The following MBNL1 variants were observed in gnomAD, a reference collection of about 807,000 sequenced individuals.
MBNL1 encodes muscleblind like splicing regulator 1.
MBNL1 carries 8 observed loss-of-function variants against 42.2 expected under a neutral mutation model. The ratio of observed to expected loss-of-function variants is 0.19; its 90% CI spans 0.11 to 0.34. The LOEUF is 0.34. Among genes scored for constraint, MBNL1 ranks in the 10% least tolerant of loss-of-function variants. MBNL1 has a pLI of 1.00. For synonymous variants in MBNL1, 169 were observed against 173.9 expected (o/e 0.97, Z 0.22); for missense variants, 309 against 495.3 (o/e 0.62, Z 3.57).
intron 2 of MBNL1, among the ~76,000 whole-genome samples, chr3:152,385,887 T>C (rs2097394478): frequency 6.6e-6 from 1 of 152,102 alleles, no homozygotes; most frequent in South Asian, 2.1e-4. Flanking sequence ...TTCACTATTT[T>C]ATGTCCTGTG....
At chr3:152,390,075 G>T (rs1026423476) in intron 2 of MBNL1, among the ~76,000 whole-genome samples, 12 of 151,004 alleles carry the variant, frequency 7.9e-5, no homozygotes, top group African/African-American at 2.9e-4. Context: ...TCACCATATT[G>T]GCCAGGCTGG....
intron 2 of MBNL1, among the ~76,000 whole-genome samples, chr3:152,318,780 A>T (rs2074100587): frequency 6.6e-6 from 1 of 152,184 alleles, no homozygotes; most frequent in South Asian, 2.1e-4. Context: ...AGCTATTATT[A>T]TGTCAATTTG....
intron 4 of MBNL1, among the ~76,000 whole-genome samples, chr3:152,440,095 A>G (rs1043971396): frequency 1.5e-4 from 23 of 152,272 alleles, no homozygotes; most frequent in East Asian, 1.9e-4. Flanking sequence ...TCTGTTACCT[A>G]TAGAAGCATG....
intron 2 of MBNL1, among the ~76,000 whole-genome samples, chr3:152,305,488 ATT>A (rs397806926): frequency 9.7e-5 from 14 of 144,748 alleles, no homozygotes; most frequent in Non-Finnish European, 1.1e-4. Context: ...GGAAATTTGA[ATT>A]TTTTTTTTTT....
At chr3:152,404,011 C>T (rs1452002978) in intron 2 of MBNL1, among the ~76,000 whole-genome samples, 1 of 152,274 alleles carries the variant, frequency 6.6e-6, no homozygotes, top group East Asian at 1.9e-4. Context: ...CCTTTATTGC[C>T]TCACCTTTTC....
intron 6 of MBNL1, among the ~76,000 whole-genome samples, chr3:152,452,705 T>G (rs960780102): frequency 6.6e-6 from 1 of 152,170 alleles, no homozygotes; most frequent in Non-Finnish European, 1.5e-5. Context: ...ACTTCAATCT[T>G]GAGGAATTTT....
intron 3 of MBNL1, among the ~76,000 whole-genome samples, chr3:152,426,211 A>T (rs1476396473): frequency 6.7e-6 from 1 of 150,372 alleles, no homozygotes; most frequent in Non-Finnish European, 1.5e-5. Context: ...TTGTGGGGCA[A>T]GGTGGGGGAT....
rs1229920740 is a variant in MBNL1, at chr3:152,332,739, TGCGC to T, written c.174+32379_174+32382del. Among the ~76,000 whole-genome samples the T allele has an allele frequency of 2.7e-3, 318 of 115,694 alleles. 3 individuals carry two copies. Among genetic ancestry groups the T allele is most frequent in the Middle Eastern group, 0.011 (2 of 188 alleles). 75.9% of individuals were successfully genotyped at this position (115,694 alleles called of 152,430 possible). On this transcript the variant is annotated intron_variant, in intron 2 of 9. Transcript: ENST00000324210. ...GTGTGTGTGTGTGTGTGTGTGTGTG[TGCGC>T]GCGCGCATGCGCACACACTAGTTTA...
At chr3:152,355,488 G>A (rs1485255406) in intron 2 of MBNL1, among the ~76,000 whole-genome samples, 2 of 152,114 alleles carry the variant, frequency 1.3e-5, no homozygotes, top group Non-Finnish European at 2.9e-5. Flanking sequence ...GTTTATTACT[G>A]TGTATTTGGT....
intron 2 of MBNL1, among the ~76,000 whole-genome samples, chr3:152,257,778 G>A (rs1424771277): frequency 6.6e-6 from 1 of 152,154 alleles, no homozygotes; most frequent in African/African-American, 2.4e-5. Flanking sequence ...CCTTCCTGTG[G>A]CGACAGCTCT....
chr3:152,290,610 C>T (rs2055358022), intron 1 of MBNL1, among the ~76,000 whole-genome samples: 3 of 151,992 alleles, frequency 2.0e-5, no homozygotes, highest in Non-Finnish European at 4.4e-5. Flanking sequence ...AATTTGCTAC[C>T]ATTATTTAAG....
At chr3:152,333,686 A>G (rs1020263446) in intron 2 of MBNL1, among the ~76,000 whole-genome samples, 9 of 152,242 alleles carry the variant, frequency 5.9e-5, no homozygotes, top group African/African-American at 1.9e-4. Context: ...TGACTCTTAA[A>G]TAAGTTAATA....
chr3:152,338,645 C>G (rs1194257269), intron 2 of MBNL1: 1 of 985,300 alleles, frequency 1.0e-6, no homozygotes, highest in Non-Finnish European at 1.2e-6. Flanking sequence ...TTCAAAGCAC[C>G]AAGAAACCTC....
intron 3 of MBNL1, among the ~76,000 whole-genome samples, chr3:152,429,220 T>C (rs1482768409): frequency 6.6e-6 from 1 of 152,246 alleles, no homozygotes; most frequent in Non-Finnish European, 1.5e-5. Context: ...TTACTACTAA[T>C]AATCATGTTT....
At chr3:152,431,621 C>T (rs2099007957) in intron 3 of MBNL1, among the ~76,000 whole-genome samples, 1 of 152,082 alleles carries the variant, frequency 6.6e-6, no homozygotes, top group Non-Finnish European at 1.5e-5. Context: ...CTGTTCATTA[C>T]TGCTGAGTAA....
chr3:152,293,480 C>G (rs930515406), intron 1 of MBNL1, among the ~76,000 whole-genome samples: 2 of 152,178 alleles, frequency 1.3e-5, no homozygotes, highest in African/African-American at 4.8e-5. Context: ...ACTTAGTTTA[C>G]TAAAGAACTG....
chr3:152,426,662 C>T (rs1337871040), intron 3 of MBNL1, among the ~76,000 whole-genome samples: 1 of 152,182 alleles, frequency 6.6e-6, no homozygotes, highest in Non-Finnish European at 1.5e-5. Flanking sequence ...TAGTAATGGT[C>T]TCATGTGCCT....
At chr3:152,269,904 G>GCA (rs1553766501) in intron 1 of MBNL1, 1 of 118,570 alleles carries the variant, frequency 8.4e-6, no homozygotes, top group African/African-American at 3.2e-5. Flanking sequence ...CAAATATGTA[G>GCA]CCACCCCCCA....
chr3:152,303,034 A>T (rs573911145), intron 2 of MBNL1, among the ~76,000 whole-genome samples: 2 of 152,208 alleles, frequency 1.3e-5, no homozygotes, highest in Admixed American at 6.5e-5. Flanking sequence ...AAAAAAAAAA[A>T]AATAAGTCAA....
Sources: allele counts gnomAD v4.1 joint callset (sites outside exome capture counted in the v4.1 genomes callset), GRCh38; gene constraint gnomAD v4.1.1; transcripts MANE v1.5; gene names NCBI Gene and HGNC (gene_info 2026-07-23, HGNC 2026-07-21).